CDH4: variants seen among roughly 807,000 people sequenced by gnomAD.
The protein encoded by CDH4 is cadherin 4, also known as cadherin-4.
In CDH4, 33 loss-of-function variants were observed where a neutral mutation model predicts 86.0. That is an observed-to-expected ratio of 0.38 (90% CI 0.29 to 0.51). The LOEUF (loss-of-function observed/expected upper bound fraction) is 0.51. Among genes scored for constraint, CDH4 ranks in the 20% least tolerant of loss-of-function variants. The pLI is 0.86. For synonymous variants in CDH4, 555 were observed against 549.4 expected (o/e 1.01, Z -0.14); for missense variants, 1,114 against 1,307.4 (o/e 0.85, Z 2.28).
chr20:61,563,919 T>C, intron 2 of CDH4, among the ~76,000 whole-genome samples: 1 of 152,188 alleles, frequency 6.6e-6, no homozygotes, highest in Non-Finnish European at 1.5e-5. Context: ...GATTACAACC[T>C]GCCTTCTTGG....
intron 14 of CDH4, among the ~76,000 whole-genome samples, chr20:61,933,747 C>CACCTTCCCCGCCCCTCCCGCAACACGA (rs2055143278): frequency 6.6e-6 from 1 of 152,184 alleles, no homozygotes. Flanking sequence ...AGCTCCTGGC[C>CACCTTCCCCGCCCCTCCCGCAACACGA]CCCTGAGCAC....
rs532584502 is a variant in CDH4, at chr20:61,804,445, T to A, written c.576+31263T>A. Among the ~76,000 whole-genome samples, 9 of 152,312 alleles carry A rather than the reference T, an allele frequency of 5.9e-5. No homozygotes were observed. The South Asian group carries it at 1.9e-3, about 32-fold the overall frequency. ...ATCTGGCCTCGGCCTCACCCACTGCTGGCCACCAGTCACCTGGAGGTCAGC... is the reference window on the plus strand; with the variant it reads ...ATCTGGCCTCGGCCTCACCCACTGCAGGCCACCAGTCACCTGGAGGTCAGC... On this transcript the variant is annotated intron_variant, in intron 4 of 15. Transcript: ENST00000614565.
chr20:61,759,475 G>A (rs982342664), intron 3 of CDH4, among the ~76,000 whole-genome samples: 7 of 152,164 alleles, frequency 4.6e-5, no homozygotes, highest in Non-Finnish European at 7.3e-5. Context: ...GGGTCTGGGC[G>A]CCAGGGCTCT....
intron 4 of CDH4, among the ~76,000 whole-genome samples, chr20:61,779,051 T>C (rs1251140944): frequency 6.6e-6 from 1 of 152,210 alleles, no homozygotes; most frequent in Non-Finnish European, 1.5e-5. Context: ...ACAGGCACAT[T>C]CTTAAAGGGT....
chr20:61,866,809 A>G (rs1411631859), intron 6 of CDH4, among the ~76,000 whole-genome samples: 2 of 152,234 alleles, frequency 1.3e-5, no homozygotes, highest in Non-Finnish European at 2.9e-5. Flanking sequence ...TTTGGCCTTA[A>G]AAAGCAGATT....
chr20:61,706,648 T>A (rs2087833283), intron 2 of CDH4, among the ~76,000 whole-genome samples: 1 of 151,914 alleles, frequency 6.6e-6, no homozygotes, highest in South Asian at 2.1e-4. Flanking sequence ...AGGGATCGGT[T>A]TCTCCCGAGC....
intron 7 of CDH4, among the ~76,000 whole-genome samples, chr20:61,882,352 G>C (rs889531630): frequency 3.9e-4 from 60 of 152,380 alleles, no homozygotes; most frequent in Non-Finnish European, 4.6e-4. Flanking sequence ...GGCCCCTTTG[G>C]TGGTCAGATC....
At chr20:61,593,041 G>A (rs1386218587) in intron 2 of CDH4, among the ~76,000 whole-genome samples, 2 of 152,130 alleles carry the variant, frequency 1.3e-5, no homozygotes, top group African/African-American at 4.8e-5. Context: ...AAGTGGCAGT[G>A]GAAACAGAGG....
At chr20:61,794,321 G>A (rs1284430822) in intron 4 of CDH4, among the ~76,000 whole-genome samples, 1 of 152,068 alleles carries the variant, frequency 6.6e-6, no homozygotes, top group Non-Finnish European at 1.5e-5. Context: ...GCCAGTAAAT[G>A]ATGTGTTATC....
At chr20:61,462,961 A>G (rs1464817879) in intron 2 of CDH4, among the ~76,000 whole-genome samples, 1 of 152,172 alleles carries the variant, frequency 6.6e-6, no homozygotes, top group African/African-American at 2.4e-5. Flanking sequence ...CTCACCTTGA[A>G]TTGTAATAAT....
intron 2 of CDH4, among the ~76,000 whole-genome samples, chr20:61,342,378 A>G (rs1053358122): frequency 6.6e-6 from 1 of 152,218 alleles, no homozygotes; most frequent in Non-Finnish European, 1.5e-5. Context: ...GCAACCAAAC[A>G]GTCCCATCTG....
In CDH4 at chr20:61,417,729, A is replaced by T. The variant is rs1351869049; in HGVS notation, c.169+162792A>T. ...ATTTTACGGCTGGAGACAGGTGCAC[A>T]TGGCGGGAAGTGGGCACAGGAGCCT... On this transcript the variant is annotated intron_variant, in intron 2 of 15. Coordinates refer to ENST00000614565, the MANE Select transcript of CDH4 (RefSeq NM_001794.5). This position sits in a 1 kb window ranked among gnomAD's most constrained non-coding sequence, Gnocchi z 4.0. 6.6e-6 allele frequency among the ~76,000 whole-genome samples: 1 copy of T among 152,132 alleles called. No individual in the cohort carries two copies. Among genetic ancestry groups the T allele is most frequent in the Non-Finnish European group, 1.5e-5 (1 of 68,016 alleles).
intron 2 of CDH4, among the ~76,000 whole-genome samples, chr20:61,315,792 C>T (rs935889614): frequency 6.6e-6 from 1 of 152,252 alleles, no homozygotes; most frequent in Non-Finnish European, 1.5e-5. Flanking sequence ...CAGCCTCAAA[C>T]TCATGGTCTC....
chr20:61,763,294 C>T (rs1175221465), intron 3 of CDH4, among the ~76,000 whole-genome samples: 3 of 152,164 alleles, frequency 2.0e-5, no homozygotes, highest in Non-Finnish European at 4.4e-5. Context: ...CATCAGATGG[C>T]CCCCCACAAC....
chr20:61,599,202 C>G (rs1568705517), intron 2 of CDH4, among the ~76,000 whole-genome samples: 1 of 152,186 alleles, frequency 6.6e-6, no homozygotes, highest in Non-Finnish European at 1.5e-5. Flanking sequence ...CTGCTGATCA[C>G]TCCCACCCCG....
At chr20:61,571,598 C>G (rs1265738071) in intron 2 of CDH4, among the ~76,000 whole-genome samples, 1 of 152,206 alleles carries the variant, frequency 6.6e-6, no homozygotes, top group African/African-American at 2.4e-5. Context: ...CTCACCGCCC[C>G]TGCATTCTAT....
At chr20:61,774,997 T>A (rs188650813) in intron 4 of CDH4, among the ~76,000 whole-genome samples, 33 of 152,350 alleles carry the variant, frequency 2.2e-4, no homozygotes, top group Admixed American at 1.0e-3. Context: ...CACGTGCATG[T>A]GTCTTTATAA....
chr20:61,524,625 C>T (rs1429201495), intron 2 of CDH4, among the ~76,000 whole-genome samples: 1 of 152,096 alleles, frequency 6.6e-6, no homozygotes, highest in Non-Finnish European at 1.5e-5. Flanking sequence ...ACTGGGACTG[C>T]AGGCACATGC....
chr20:61,747,544 T>C (rs1057360284), intron 3 of CDH4, among the ~76,000 whole-genome samples: 4 of 151,682 alleles, frequency 2.6e-5, no homozygotes, highest in Non-Finnish European at 5.9e-5. Flanking sequence ...GCAAATTAAA[T>C]AGAAGACTTT....
Sources: allele counts gnomAD v4.1 joint callset (sites outside exome capture counted in the v4.1 genomes callset), GRCh38; gene constraint gnomAD v4.1.1; non-coding constraint Gnocchi (gnomAD v3.1); transcripts MANE v1.5; gene names NCBI Gene and HGNC (gene_info 2026-07-23, HGNC 2026-07-21).